The following ZC3H7B variants were observed in gnomAD, a reference collection of about 807,000 sequenced individuals.
ZC3H7B encodes zinc finger CCCH domain-containing protein 7B.
A neutral mutation model predicts 116.0 loss-of-function variants in ZC3H7B; 35 were observed. That is an observed-to-expected ratio of 0.30 (90% CI 0.23 to 0.40). The LOEUF (loss-of-function observed/expected upper bound fraction) is 0.40, where lower values mean the gene tolerates loss of function less well. ZC3H7B is among the 10% of genes least tolerant of loss of function. The pLI, the probability that ZC3H7B is intolerant of heterozygous loss-of-function variation, is 1.00. For synonymous variants in ZC3H7B, 502 were observed against 545.6 expected (o/e 0.92, Z 1.11); for missense variants, 1,011 against 1,321.5 (o/e 0.77, Z 3.64).
intron 2 of ZC3H7B, among the ~76,000 whole-genome samples, chr22:41,324,077 A>G (rs1001773616): frequency 2.0e-5 from 3 of 152,074 alleles, no homozygotes; most frequent in Non-Finnish European, 4.4e-5. Context: ...CTGGAAAAAA[A>G]AAAAGATGTC....
At chr22:41,329,145 T>C (rs1460451048) in intron 5 of ZC3H7B, among the ~76,000 whole-genome samples, 1 of 150,054 alleles carries the variant, frequency 6.7e-6, no homozygotes, top group Non-Finnish European at 1.5e-5. Flanking sequence ...GCAAAGGTTG[T>C]AGTGAGCTGA....
chr22:41,307,001 T>G (rs1601758756), intron 1 of ZC3H7B, among the ~76,000 whole-genome samples: 3 of 134,570 alleles, frequency 2.2e-5, no homozygotes, highest in Admixed American at 8.4e-5. Context: ...TGAGACAGAG[T>G]CTCATTCTGT....
rs1191796257 is a variant in ZC3H7B, at chr22:41,356,427, G to A, written c.2468G>A (p.Arg823Gln). 3 of 1,614,172 alleles carry A rather than the reference G, an allele frequency of 1.9e-6. No homozygotes were observed. The highest frequency in any genetic ancestry group is 2.2e-5 in the East Asian group (1 of 44,888). ...KPGEGTPISS[R>Q]EGEKQIQMPT... Reference sequence around the variant, plus strand: ...GGAGAAGGGACCCCCATCAGTTCTCGGGAAGGGGAGAAGCAGATCCAGATG... The same window carrying A: ...GGAGAAGGGACCCCCATCAGTTCTCAGGAAGGGGAGAAGCAGATCCAGATG... The change falls in exon 21 of 23, where the codon CGG becomes CAG. Residue 823 changes from arginine to glutamine, a missense_variant. Physicochemically the swap from Arg to Gln is conservative, Grantham distance 43. Transcript: ENST00000352645.
intron 1 of ZC3H7B, among the ~76,000 whole-genome samples, chr22:41,316,933 C>T (rs765131663): frequency 6.6e-6 from 1 of 152,152 alleles, no homozygotes; most frequent in Non-Finnish European, 1.5e-5. Context: ...ACCTCTGCCT[C>T]CTGGATTCAA....
chr22:41,357,394 C>CCTG lies in ZC3H7B; in HGVS notation c.2910_2912dup (p.Ala971dup), dbSNP rs775304121. ...CCTTGCCGGTGCCACCCCAGAAGCC[C>CCTG]CTGCTGCTGCTGCCACCGCCACCAC... On this transcript the variant is annotated inframe_insertion, in exon 23 of 23. Transcript: ENST00000352645. The surrounding 1 kb of genome is among the most constrained non-coding windows in gnomAD (Gnocchi z 5.4). 6.8e-6 allele frequency: 11 copies of CCTG among 1,612,954 alleles called. No homozygotes were observed. Among genetic ancestry groups the CCTG allele is most frequent in the African/African-American group, 1.3e-5 (1 of 74,914 alleles).
At chr22:41,340,259 TC>T in intron 10 of ZC3H7B, 122 bp downstream of exon 10, 1 of 1,073,132 alleles carries the variant, frequency 9.3e-7, no homozygotes, top group Non-Finnish European at 1.3e-6. Flanking sequence ...TCCTTAGCAA[TC>T]CCAGGCCATG....
rs1277652090 is a variant in ZC3H7B, at chr22:41,353,628, C to T, written c.2035-1841C>T. 2.6e-5 allele frequency among the ~76,000 whole-genome samples: 4 copies of T among 152,234 alleles called. No individual in the cohort carries two copies. The East Asian group carries it at 7.7e-4, about 29-fold the overall frequency. On this transcript the variant is annotated intron_variant, in intron 17 of 22. Coordinates refer to ENST00000352645, the MANE Select transcript of ZC3H7B (RefSeq NM_017590.6). ...CCTTTCATCCACATGAGGCCACCTG[C>T]TGATTAACTTGGGGGAAGGCTGGGC...
rs1009912178 is a variant in ZC3H7B at position 41,357,669 on chromosome 22, C to G, written c.*240C>G. Reference sequence around the variant, plus strand: ...CTGGGCTGCCCTTCCCCCACCCCCACGGCTCTCCTGGTTGAGGAGGGAGGG... The same window carrying G: ...CTGGGCTGCCCTTCCCCCACCCCCAGGGCTCTCCTGGTTGAGGAGGGAGGG... On this transcript the variant is annotated 3_prime_UTR_variant, in exon 23 of 23. Coordinates refer to ENST00000352645, the MANE Select transcript of ZC3H7B (RefSeq NM_017590.6). This position sits in a 1 kb window ranked among gnomAD's most constrained non-coding sequence, Gnocchi z 5.4. The G allele has an allele frequency of 1.7e-6, 1 of 586,376 alleles. No individual in the cohort carries two copies. The highest frequency in any genetic ancestry group is 3.0e-6 in the Non-Finnish European group (1 of 335,836). The allele number at this position is 586,376 out of a possible 1,614,324, so 36.3% of individuals were successfully genotyped here.
intron 1 of ZC3H7B, among the ~76,000 whole-genome samples, chr22:41,313,877 G>T (rs1450842791): frequency 6.6e-6 from 1 of 151,608 alleles, no homozygotes; most frequent in Non-Finnish European, 1.5e-5. Flanking sequence ...CTCCCAAGTA[G>T]CTGGGACTAC....
At chr22:41,323,473 T>C (rs1206984103) in intron 2 of ZC3H7B, among the ~76,000 whole-genome samples, 1 of 152,228 alleles carries the variant, frequency 6.6e-6, no homozygotes, top group Non-Finnish European at 1.5e-5. Flanking sequence ...TACGGGGTCA[T>C]TGTGAAGGTT....
chr22:41,310,187 A>G (rs140636418), intron 1 of ZC3H7B, among the ~76,000 whole-genome samples: 2,126 of 152,340 alleles, frequency 0.014, 20 homozygotes, highest in Non-Finnish European at 0.021. Context: ...CCTGGGCGAC[A>G]GAGCGAGACT....
At position 41,303,383 on chromosome 22, in the gene ZC3H7B, G is replaced by A. The variant is rs534546442; in HGVS notation, c.-7+1611G>A. Among the ~76,000 whole-genome samples the A allele has an allele frequency of 5.9e-5, 9 of 152,292 alleles. No individual in the cohort carries two copies. In the South Asian group the frequency reaches 1.9e-3, roughly 32 times the overall value. ...TAGGTTAGACAGGAATGGGGGTTTT[G>A]GTAGATTATTGTGGGGCTTAGAAGC... On this transcript the variant is annotated intron_variant, in intron 1 of 22. Coordinates refer to ENST00000352645, the MANE Select transcript of ZC3H7B (RefSeq NM_017590.6).
rs867309632 is a variant in ZC3H7B at position 41,340,022 on chromosome 22, C to T, written c.1023C>T (p.Pro341=). The T allele has an allele frequency of 1.9e-6, 3 of 1,611,322 alleles. No individual in the cohort carries two copies. The African/African-American group carries it at 4.0e-5, about 21-fold the overall frequency. The stretch of plus-strand genomic sequence containing the variant: ...CCTCTGTGCTGGATGCCCTCGATCC[C>T]CCGGGCCCCACGCTGGACCCCCTGG... ...LAASVLDALD[P]PGPTLDPLDL... The change falls in exon 10 of 23, where the codon CCC becomes CCT. Residue 341 remains proline, a synonymous_variant. Transcript: ENST00000352645.
chr22:41,322,081 C>A (rs892368846), intron 2 of ZC3H7B, among the ~76,000 whole-genome samples: 2 of 148,852 alleles, frequency 1.3e-5, no homozygotes, highest in African/African-American at 5.0e-5. Flanking sequence ...CCTCGTGATC[C>A]GCCCGCCTCG....
At chr22:41,355,320 C>T (rs902414480) in intron 17 of ZC3H7B, 149 bp from the exon 18 acceptor site, 9 of 1,130,502 alleles carry the variant, frequency 8.0e-6, no homozygotes, top group Non-Finnish European at 1.1e-5. Context: ...GCCCTTGGGC[C>T]TGCAGTTGGG....
chr22:41,341,247 T>C (rs1454447821), intron 11 of ZC3H7B, 101 bp downstream of exon 11: 13 of 1,410,744 alleles, frequency 9.2e-6, no homozygotes, highest in African/African-American at 1.4e-5. Flanking sequence ...AGGCACTGCA[T>C]TCCCCACGGC....
At chr22:41,329,628 C>A (rs2036357434) in intron 5 of ZC3H7B, among the ~76,000 whole-genome samples, 1 of 152,154 alleles carries the variant, frequency 6.6e-6, no homozygotes, top group South Asian at 2.1e-4. Flanking sequence ...AACACATCAG[C>A]CCAGCAGAGT....
intron 1 of ZC3H7B, among the ~76,000 whole-genome samples, chr22:41,310,685 T>A (rs1260814890): frequency 6.6e-6 from 1 of 152,218 alleles, no homozygotes; most frequent in Non-Finnish European, 1.5e-5. Flanking sequence ...TTCCAAATTT[T>A]ATTTTTTAAT....
intron 2 of ZC3H7B, among the ~76,000 whole-genome samples, chr22:41,323,465 C>T (rs6002333): frequency 0.22 from 33,880 of 152,180 alleles, 4,934 homozygotes; most frequent in Admixed American, 0.46. Context: ...ATTTCCCCTA[C>T]GGGGTCATTG....
Sources: gnomAD v4.1 joint callset for allele counts (sites outside exome capture counted in the v4.1 genomes callset) on GRCh38, gnomAD v4.1.1 for gene constraint, Gnocchi (gnomAD v3.1) non-coding constraint, MANE v1.5 for transcripts, NCBI Gene and HGNC (gene_info 2026-07-23, HGNC 2026-07-21) for gene names.